FAM221A: variants seen among roughly 807,000 people sequenced by gnomAD.
FAM221A encodes family with sequence similarity 221 member A.
FAM221A carries 43 observed loss-of-function variants against 37.6 expected under a neutral mutation model. That is an observed-to-expected ratio of 1.15 (90% confidence interval 0.90 to 1.48). The LOEUF is 1.48. Among genes scored for constraint, FAM221A ranks in the 40% most tolerant of loss-of-function variants. FAM221A has a pLI of 0.00. For synonymous variants in FAM221A, 135 were observed against 132.9 expected (o/e 1.02, Z -0.11); for missense variants, 361 against 361.5 (o/e 1.00, Z 0.01).
At chr7:23,689,527 C>CT (rs1178513360) in intron 3 of FAM221A, 68 bp downstream of exon 3, 10 of 1,193,216 alleles carry the variant, frequency 8.4e-6, no homozygotes, top group South Asian at 2.1e-5. Context: ...ATTTAACGTG[C>CT]TTTTTTACTG....
At chr7:23,680,386 C>G (rs1452642826) in intron 1 of FAM221A, 103 bp downstream of exon 1, 2 of 868,374 alleles carry the variant, frequency 2.3e-6, no homozygotes, top group East Asian at 2.7e-5. Flanking sequence ...CGGGGGTTCC[C>G]GGAATCTGTG....
intron 3 of FAM221A, among the ~76,000 whole-genome samples, chr7:23,690,951 T>C (rs1349576451): frequency 6.6e-6 from 1 of 152,226 alleles, no homozygotes; most frequent in Non-Finnish European, 1.5e-5. Flanking sequence ...TCAATACTTC[T>C]TTCCTTTTTA....
chr7:23,684,609 G>T lies in FAM221A; in HGVS notation c.176G>T (p.Arg59Leu). 2 of 1,614,032 alleles carry T rather than the reference G, an allele frequency of 1.2e-6. No individual in the cohort carries two copies. The highest frequency in any genetic ancestry group is 2.2e-5 in the South Asian group (2 of 91,064). The change falls in exon 2 of 7, where the codon CGG (arginine) becomes CTG (leucine). Residue 59 changes from arginine (R) to leucine (L), a missense_variant. Arg to Leu is a moderately radical substitution (Grantham distance 102, BLOSUM62 -2). Coordinates refer to ENST00000344962, the MANE Select transcript of FAM221A (RefSeq NM_199136.5). ...RLQNRLFVSW[R>L]SPTGMDCKLV... ...CAAAACAGATTATTTGTGAGCTGGC[G>T]GTCACCAACAGGGATGGATTGTAAA...
chr7:23,691,383 G>T lies in FAM221A; in HGVS notation c.431-7G>T. Reference sequence around the variant, plus strand: ...AAGAATTTAACTCCCTTTACATCTTGATTCAGGTTCCAAGTGTTCAGGATT... The same window carrying T: ...AAGAATTTAACTCCCTTTACATCTTTATTCAGGTTCCAAGTGTTCAGGATT... On this transcript the variant is annotated splice_polypyrimidine_tract_variant and splice_region_variant and intron_variant, in intron 3 of 6. Coordinates refer to ENST00000344962, the MANE Select transcript of FAM221A (RefSeq NM_199136.5). 6.2e-7 allele frequency: 1 copy of T among 1,613,912 alleles called. No homozygotes were observed. The highest frequency in any genetic ancestry group is 1.1e-5 in the South Asian group (1 of 91,026).
At chr7:23,696,484 AG>A (rs1265753407) in intron 4 of FAM221A, among the ~76,000 whole-genome samples, 6 of 152,162 alleles carry the variant, frequency 3.9e-5, no homozygotes, top group Non-Finnish European at 8.8e-5. Flanking sequence ...GGATCACCTG[AG>A]CTTTGGATGC....
chr7:23,696,402 C>CA (rs1389534286), intron 4 of FAM221A, among the ~76,000 whole-genome samples: 2 of 152,056 alleles, frequency 1.3e-5, no homozygotes, highest in Non-Finnish European at 2.9e-5. Flanking sequence ...TACAAAAATA[C>CA]AAAAAATTAG....
intron 1 of FAM221A, among the ~76,000 whole-genome samples, chr7:23,682,644 C>T (rs1016689973): frequency 6.6e-6 from 1 of 151,310 alleles, no homozygotes; most frequent in Non-Finnish European, 1.5e-5. Context: ...AGGCTGGGCT[C>T]GAACTCCTGA....
At chr7:23,700,468 T>C (rs1785352989) in intron 5 of FAM221A, among the ~76,000 whole-genome samples, 1 of 152,228 alleles carries the variant, frequency 6.6e-6, no homozygotes, top group Non-Finnish European at 1.5e-5. Flanking sequence ...TCTCAAAGTG[T>C]AACATGGATT....
chr7:23,691,714 C>T (rs1332387112), intron 4 of FAM221A, 118 bp downstream of exon 4: 37 of 871,104 alleles, frequency 4.2e-5, no homozygotes, highest in South Asian at 7.8e-5. Flanking sequence ...AACATTCTCT[C>T]GTTTGATTTT....
At chr7:23,692,209 C>T (rs536175518) in intron 4 of FAM221A, 227 of 972,232 alleles carry the variant, frequency 2.3e-4, no homozygotes, top group Non-Finnish European at 2.4e-4. Context: ...GAGAGCTGAG[C>T]GGGACTGGGG....
rs372615304 is a variant in FAM221A, at chr7:23,684,679, T to C, written c.239+7T>C. 4 of 1,577,914 alleles carry C rather than the reference T, an allele frequency of 2.5e-6. No individual in the cohort carries two copies. Among genetic ancestry groups the C allele is most frequent in the Non-Finnish European group, 2.6e-6 (3 of 1,165,704 alleles). On this transcript the variant is annotated splice_region_variant and intron_variant, in intron 2 of 6. Transcript: ENST00000344962. The stretch of plus-strand genomic sequence containing the variant: ...TGTGTTTTTGTACACATAGGTAAGA[T>C]ACTTTATTGCAAAGTTTTTTGATAA...
At chr7:23,691,687 G>T in intron 4 of FAM221A, 91 bp downstream of exon 4, 11 of 1,094,346 alleles carry the variant, frequency 1.0e-5, no homozygotes, top group South Asian at 3.1e-5. Context: ...GCAATTTATA[G>T]TATTTTTCTT....
Position 23,691,608 on chromosome 7 carries a change from T to C in FAM221A, c.637+12T>C. ...TGACAGTGGGATTGGTAAGTGATAC[T>C]ATATGAAATGTGAGCCCATTGTATT... On this transcript the variant is annotated intron_variant, in intron 4 of 6. Transcript: ENST00000344962. 1 of 1,609,910 alleles carries C rather than the reference T, an allele frequency of 6.2e-7. No homozygotes were observed. The highest frequency in any genetic ancestry group is 8.5e-7 in the Non-Finnish European group (1 of 1,176,156).
intron 1 of FAM221A, among the ~76,000 whole-genome samples, chr7:23,684,109 C>T (rs1475241779): frequency 6.6e-6 from 1 of 152,060 alleles, no homozygotes; most frequent in Non-Finnish European, 1.5e-5. Flanking sequence ...TTCCTTCAGA[C>T]CCCCAGTAAA....
chr7:23,700,173 G>C (rs1393974250), intron 5 of FAM221A, among the ~76,000 whole-genome samples: 1 of 152,186 alleles, frequency 6.6e-6, no homozygotes, highest in African/African-American at 2.4e-5. Flanking sequence ...CAGGTTGCTA[G>C]TCTGCTTTGG....
rs759253644 is a variant in FAM221A, at chr7:23,692,740, G to T, written c.637+1144G>T. On this transcript the variant is annotated intron_variant, in intron 4 of 6. Coordinates refer to ENST00000344962, the MANE Select transcript of FAM221A (RefSeq NM_199136.5). The stretch of plus-strand genomic sequence containing the variant: ...AAAACACCCTTGAATACTTCTCTTT[G>T]TCTAATTCTTTCCCCGAGGGTAATT... The T allele has an allele frequency of 8.2e-6, 8 of 981,444 alleles. No individual in the cohort carries two copies. In the Admixed American group the frequency reaches 4.3e-4, roughly 53 times the overall value. The allele number at this position is 981,444 out of a possible 1,614,324, so 60.8% of individuals were successfully genotyped here. A position where few individuals can be genotyped will look rare whatever the true frequency, so the allele number is the denominator to read the frequency against.
At chr7:23,689,519 T>G in intron 3 of FAM221A, 60 bp downstream of exon 3, 4 of 1,281,390 alleles carry the variant, frequency 3.1e-6, no homozygotes, top group Non-Finnish European at 4.2e-6. Context: ...CCTTGAATAT[T>G]TAACGTGCTT....
intron 2 of FAM221A, 35 bp from the exon 3 acceptor site, chr7:23,689,234 T>G (rs1242858829): frequency 7.2e-7 from 1 of 1,382,940 alleles, no homozygotes; most frequent in African/African-American, 1.4e-5. Context: ...ATACCTGTAT[T>G]GTGTTTATAT....
At chr7:23,680,464 C>T (rs183987805) in intron 1 of FAM221A, among the ~76,000 whole-genome samples, 181 bp downstream of exon 1, 2,105 of 152,230 alleles carry the variant, frequency 0.014, 25 homozygotes, top group Non-Finnish European at 0.023. Flanking sequence ...ATTGTAGGGC[C>T]ACGCGGTTCT....
Sources: allele counts gnomAD v4.1 joint callset (sites outside exome capture counted in the v4.1 genomes callset), GRCh38; gene constraint gnomAD v4.1.1; transcripts MANE v1.5; gene names NCBI Gene and HGNC (gene_info 2026-07-23, HGNC 2026-07-21).